CDKAL1: variants seen among roughly 807,000 people sequenced by gnomAD.
The protein encoded by CDKAL1 is threonylcarbamoyladenosine tRNA methylthiotransferase.
CDKAL1 carries 32 observed loss-of-function variants against 68.2 expected under a neutral mutation model. The ratio of observed to expected loss-of-function variants is 0.47; its 90% CI spans 0.35 to 0.63. CDKAL1 has a LOEUF of 0.63. Ranked by LOEUF, CDKAL1 falls within the 30% of genes least tolerant of loss-of-function variation. CDKAL1 has a pLI of 0.00. For synonymous variants in CDKAL1, 234 were observed against 244.3 expected, an observed-to-expected ratio of 0.96 and a Z score of 0.39; for missense variants, 606 against 696.7, an observed-to-expected ratio of 0.87 and a Z score of 1.47.
chr6:20,704,865 A>G (rs368941191), intron 5 of CDKAL1, among the ~76,000 whole-genome samples: 9 of 152,218 alleles, frequency 5.9e-5, no homozygotes, highest in African/African-American at 2.2e-4. Flanking sequence ...TGGTGTGCCA[A>G]TACCATTATA....
At chr6:21,130,561 A>G (rs1448189711) in intron 13 of CDKAL1, among the ~76,000 whole-genome samples, 1 of 152,186 alleles carries the variant, frequency 6.6e-6, no homozygotes, top group Non-Finnish European at 1.5e-5. Flanking sequence ...GATTTGCTCA[A>G]TTAAATGTGA....
intron 13 of CDKAL1, among the ~76,000 whole-genome samples, chr6:21,182,850 A>G (rs879723504): frequency 1.1e-4 from 17 of 152,274 alleles, no homozygotes; most frequent in Admixed American, 4.6e-4. Flanking sequence ...TATGCTCCTA[A>G]AAGCATTAAC....
At chr6:21,208,180 C>T (rs1011084405) in intron 15 of CDKAL1, among the ~76,000 whole-genome samples, 5 of 152,128 alleles carry the variant, frequency 3.3e-5, no homozygotes, top group Non-Finnish European at 5.9e-5. Flanking sequence ...AGTTAGATAG[C>T]TCAGCCCTGA....
intron 8 of CDKAL1, among the ~76,000 whole-genome samples, chr6:20,800,926 C>CT (rs1171562800): frequency 2.7e-5 from 4 of 150,844 alleles, no homozygotes; most frequent in African/African-American, 7.3e-5. Context: ...CTCTTTCTTT[C>CT]TTTTTTGGGG....
intron 5 of CDKAL1, among the ~76,000 whole-genome samples, chr6:20,728,284 A>G (rs1473771136): frequency 6.6e-6 from 1 of 152,214 alleles, no homozygotes; most frequent in Non-Finnish European, 1.5e-5. Flanking sequence ...TGTATGCACG[A>G]TAGGCACAAA....
chr6:20,538,814 C>A (rs953723831), intron 2 of CDKAL1, among the ~76,000 whole-genome samples: 2 of 152,150 alleles, frequency 1.3e-5, no homozygotes, highest in African/African-American at 4.8e-5. Context: ...CCTGCTGTGT[C>A]ATAGAAAGAC....
At chr6:20,581,016 C>T (rs1429210771) in intron 4 of CDKAL1, among the ~76,000 whole-genome samples, 1 of 152,046 alleles carries the variant, frequency 6.6e-6, no homozygotes, top group Non-Finnish European at 1.5e-5. Context: ...TTCGAACTCC[C>T]GACCTCAGGT....
At chr6:20,741,208 A>C (rs1358725520) in intron 6 of CDKAL1, among the ~76,000 whole-genome samples, 2 of 152,042 alleles carry the variant, frequency 1.3e-5, no homozygotes, top group Admixed American at 1.3e-4. Context: ...CCAATGTCAC[A>C]GCTTTGTGTC....
At chr6:21,012,657 C>T (rs537649213) in intron 11 of CDKAL1, among the ~76,000 whole-genome samples, 5 of 152,314 alleles carry the variant, frequency 3.3e-5, no homozygotes, top group South Asian at 4.1e-4. Context: ...AGCCTTTCTG[C>T]GCAAGCACTG....
chr6:20,909,382 CA>C (rs1762369000), intron 9 of CDKAL1, among the ~76,000 whole-genome samples: 1 of 152,138 alleles, frequency 6.6e-6, no homozygotes, highest in African/African-American at 2.4e-5. Flanking sequence ...TATCCCAGAT[CA>C]GCATCTTTTC....
At chr6:21,049,832 T>C (rs1001798268) in intron 11 of CDKAL1, among the ~76,000 whole-genome samples, 1 of 151,096 alleles carries the variant, frequency 6.6e-6, no homozygotes, top group Admixed American at 6.6e-5. Context: ...TTTTTTTTTT[T>C]AGCCTATTTG....
intron 4 of CDKAL1, among the ~76,000 whole-genome samples, chr6:20,579,591 C>G (rs1483679520): frequency 6.6e-6 from 1 of 152,012 alleles, no homozygotes; most frequent in Non-Finnish European, 1.5e-5. Flanking sequence ...CCTGTTTTCC[C>G]CATGAGGATA....
chr6:20,876,400 A>G (rs1002282815), intron 9 of CDKAL1, among the ~76,000 whole-genome samples: 1 of 152,184 alleles, frequency 6.6e-6, no homozygotes, highest in African/African-American at 2.4e-5. Context: ...GGGTGCCACT[A>G]CTGTTGAGTG....
At chr6:20,837,154 A>G (rs1300063047) in intron 8 of CDKAL1, among the ~76,000 whole-genome samples, 1 of 152,324 alleles carries the variant, frequency 6.6e-6, no homozygotes, top group African/African-American at 2.4e-5. Context: ...ATTTCACTTT[A>G]AAACATGTCA....
intron 9 of CDKAL1, among the ~76,000 whole-genome samples, chr6:20,931,296 C>T (rs969316723): frequency 4.6e-5 from 7 of 152,114 alleles, no homozygotes; most frequent in East Asian, 1.9e-4. Context: ...TAATTGGCCT[C>T]GTGCCAGACA....
intron 9 of CDKAL1, among the ~76,000 whole-genome samples, chr6:20,911,879 C>T (rs1762484051): frequency 6.6e-6 from 1 of 152,194 alleles, no homozygotes; most frequent in Non-Finnish European, 1.5e-5. Flanking sequence ...GAAGGTTTCT[C>T]ACCAGAGGTG....
At chr6:20,799,416 T>C (rs1776273781) in intron 8 of CDKAL1, among the ~76,000 whole-genome samples, 2 of 152,016 alleles carry the variant, frequency 1.3e-5, no homozygotes, top group Admixed American at 6.6e-5. Context: ...CCCTCAGTAA[T>C]GAATGGAATA....
chr6:21,144,527 T>C (rs1348687161), intron 13 of CDKAL1, among the ~76,000 whole-genome samples: 1 of 151,852 alleles, frequency 6.6e-6, no homozygotes, highest in East Asian at 1.9e-4. Flanking sequence ...GGCCCACGTA[T>C]GTAATCCTAG....
At chr6:21,002,569 G>A (rs1381035829) in intron 11 of CDKAL1, among the ~76,000 whole-genome samples, 2 of 150,748 alleles carry the variant, frequency 1.3e-5, no homozygotes, top group Non-Finnish European at 2.9e-5. Flanking sequence ...TTATAAGTAA[G>A]ATATATTGCA....
Sources: gnomAD v4.1 joint callset for allele counts (sites outside exome capture counted in the v4.1 genomes callset) on GRCh38, gnomAD v4.1.1 for gene constraint, MANE v1.5 for transcripts, NCBI Gene and HGNC (gene_info 2026-07-23, HGNC 2026-07-21) for gene names.